Variants in DPP10 observed in about 807,000 individuals in gnomAD.
DPP10 encodes the protein inactive dipeptidyl peptidase 10.
In DPP10, 33 loss-of-function variants were observed where a neutral mutation model predicts 120.9. That is an observed-to-expected ratio of 0.27 (90% confidence interval 0.21 to 0.37). DPP10 has a LOEUF of 0.37. DPP10 is among the 10% of genes least tolerant of loss of function. DPP10 has a pLI of 1.00. For synonymous variants in DPP10, 337 were observed against 326.1 expected, an observed-to-expected ratio of 1.03 and a Z score of -0.36; for missense variants, 816 against 942.8, an observed-to-expected ratio of 0.87 and a Z score of 1.76.
chr2:115,722,815 G>A (rs1250232745), intron 7 of DPP10, among the ~76,000 whole-genome samples: 1 of 152,088 alleles, frequency 6.6e-6, no homozygotes, highest in East Asian at 1.9e-4. Flanking sequence ...TTTCCAAATG[G>A]GAAAACAGAT....
At chr2:115,352,030 C>T (rs2064067594) in intron 3 of DPP10, among the ~76,000 whole-genome samples, 1 of 151,742 alleles carries the variant, frequency 6.6e-6, no homozygotes, top group African/African-American at 2.4e-5. Context: ...AATGACAATA[C>T]TTAAACTAAA....
intron 1 of DPP10, among the ~76,000 whole-genome samples, chr2:114,466,594 A>G (rs995398811): frequency 1.2e-4 from 19 of 152,206 alleles, no homozygotes; most frequent in African/African-American, 4.3e-4. Flanking sequence ...TAAGAAAATA[A>G]TAGTACCTAA....
chr2:115,088,869 T>C, intron 1 of DPP10, among the ~76,000 whole-genome samples: 1 of 151,018 alleles, frequency 6.6e-6, no homozygotes, highest in East Asian at 1.9e-4. Flanking sequence ...ATTAGGAAAA[T>C]GTTTAGTGAA....
chr2:115,539,100 A>G (rs1025865677), intron 5 of DPP10, among the ~76,000 whole-genome samples: 1 of 151,864 alleles, frequency 6.6e-6, no homozygotes, highest in Non-Finnish European at 1.5e-5. Flanking sequence ...TGGATATATC[A>G]GTGTTCTAAG....
intron 13 of DPP10, 68 bp from the exon 14 acceptor site, chr2:115,777,140 A>G: frequency 7.2e-7 from 1 of 1,381,738 alleles, no homozygotes; most frequent in South Asian, 1.2e-5. Flanking sequence ...AGCAGTTGGT[A>G]CATTCGTGTT....
At chr2:114,739,664 CA>C (rs1197434794) in intron 1 of DPP10, among the ~76,000 whole-genome samples, 1 of 151,322 alleles carries the variant, frequency 6.6e-6, no homozygotes, top group African/African-American at 2.4e-5. Flanking sequence ...ATCACACACA[CA>C]AAAAAAAGAG....
intron 12 of DPP10, among the ~76,000 whole-genome samples, chr2:115,765,072 G>C (rs1680554424): frequency 6.6e-6 from 1 of 152,078 alleles, no homozygotes; most frequent in South Asian, 2.1e-4. Flanking sequence ...ATGAAACTGA[G>C]CAGTGAGATT....
intron 3 of DPP10, among the ~76,000 whole-genome samples, chr2:115,450,243 A>G (rs2072995977): frequency 6.6e-6 from 1 of 152,030 alleles, no homozygotes; most frequent in African/African-American, 2.4e-5. Flanking sequence ...CACAAAGCCT[A>G]TTTTATAATA....
intron 3 of DPP10, among the ~76,000 whole-genome samples, chr2:115,490,689 A>G (rs996767019): frequency 6.6e-6 from 1 of 152,226 alleles, no homozygotes; most frequent in Non-Finnish European, 1.5e-5. Flanking sequence ...TTAAATTTAT[A>G]TATGTGTAAA....
chr2:115,753,397 T>C (rs1214470432), intron 11 of DPP10, 100 bp downstream of exon 11: 17 of 1,143,372 alleles, frequency 1.5e-5, no homozygotes, highest in Non-Finnish European at 4.7e-6. Context: ...AAATTCAGTG[T>C]TTAACTTTTA....
At chr2:115,178,866 T>A (rs1326157721) in intron 1 of DPP10, among the ~76,000 whole-genome samples, 1 of 152,316 alleles carries the variant, frequency 6.6e-6, no homozygotes, top group East Asian at 1.9e-4. Flanking sequence ...CAAAAATGCA[T>A]CATAAATTGA....
intron 7 of DPP10, among the ~76,000 whole-genome samples, chr2:115,719,909 CTATT>C (rs1258982129): frequency 1.3e-5 from 2 of 152,160 alleles, no homozygotes; most frequent in East Asian, 1.9e-4. Context: ...CTACCAGTAA[CTATT>C]TACCCACAAA....
intron 1 of DPP10, among the ~76,000 whole-genome samples, chr2:115,000,488 G>A (rs1701369822): frequency 6.6e-6 from 1 of 152,062 alleles, no homozygotes; most frequent in Admixed American, 6.5e-5. Flanking sequence ...AGATTTTTCT[G>A]TACCTGTATT....
intron 1 of DPP10, among the ~76,000 whole-genome samples, chr2:115,030,171 A>ATT (rs200907777): frequency 4.8e-5 from 7 of 146,016 alleles, no homozygotes; most frequent in Admixed American, 2.7e-4. Context: ...GCCTCAACTA[A>ATT]TTTTTTTTTT....
intron 3 of DPP10, among the ~76,000 whole-genome samples, chr2:115,406,096 C>T (rs1310785348): frequency 6.6e-6 from 1 of 152,210 alleles, no homozygotes; most frequent in African/African-American, 2.4e-5. Context: ...CTCTACTTCC[C>T]TTCTTTCTAG....
intron 1 of DPP10, among the ~76,000 whole-genome samples, chr2:115,047,965 T>G (rs1418992161): frequency 1.3e-5 from 2 of 152,112 alleles, no homozygotes; most frequent in Admixed American, 1.3e-4. Context: ...CCCTGAAAAT[T>G]GTAATAGTTT....
intron 5 of DPP10, among the ~76,000 whole-genome samples, chr2:115,666,277 A>G (rs995005122): frequency 6.6e-6 from 1 of 152,188 alleles, no homozygotes; most frequent in Non-Finnish European, 1.5e-5. Flanking sequence ...ATGGCTGGAG[A>G]GTTCTCAGGA....
At chr2:114,446,783 A>G (rs1426622899) in intron 1 of DPP10, among the ~76,000 whole-genome samples, 2 of 152,196 alleles carry the variant, frequency 1.3e-5, no homozygotes, top group Non-Finnish European at 2.9e-5. Context: ...CATTGTGCTA[A>G]TAAAGACTTT....
intron 1 of DPP10, among the ~76,000 whole-genome samples, chr2:115,166,451 A>G (rs1275452179): frequency 7.5e-6 from 1 of 132,512 alleles, no homozygotes; most frequent in Non-Finnish European, 1.6e-5. Context: ...GAGAGAAAAT[A>G]TGCATTTCCT....
Sources: allele counts gnomAD v4.1 joint callset (sites outside exome capture counted in the v4.1 genomes callset), GRCh38; gene constraint gnomAD v4.1.1; transcripts MANE v1.5; gene names NCBI Gene and HGNC (gene_info 2026-07-23, HGNC 2026-07-21).